ATXN7L1: variants seen among roughly 807,000 people sequenced by gnomAD.
ATXN7L1 encodes ataxin-7-like protein 1.
ATXN7L1 carries 15 observed loss-of-function variants against 70.8 expected under a neutral mutation model. The ratio of observed to expected loss-of-function variants is 0.21; its 90% CI spans 0.14 to 0.33. The LOEUF (loss-of-function observed/expected upper bound fraction) is 0.33, where lower values mean the gene tolerates loss of function less well. Ranked by LOEUF, ATXN7L1 falls within the 10% of genes least tolerant of loss-of-function variation. ATXN7L1 has a pLI of 1.00. For synonymous variants in ATXN7L1, 440 were observed against 445.1 expected (o/e 0.99, Z 0.14); for missense variants, 975 against 1,097.1 (o/e 0.89, Z 1.57).
intron 3 of ATXN7L1, among the ~76,000 whole-genome samples, chr7:105,667,582 C>T (rs1157605717): frequency 7.5e-6 from 1 of 133,372 alleles, no homozygotes; most frequent in African/African-American, 2.6e-5. Flanking sequence ...GCCTGTAGTC[C>T]CAGCTACTTG....
intron 7 of ATXN7L1, among the ~76,000 whole-genome samples, chr7:105,627,841 GTT>G (rs36028028): frequency 1.2e-5 from 1 of 86,444 alleles, no homozygotes; most frequent in Non-Finnish European, 2.0e-5. Flanking sequence ...CCTGTCTTTA[GTT>G]TTTTTTTTTT....
intron 2 of ATXN7L1, among the ~76,000 whole-genome samples, chr7:105,808,639 T>A (rs1474850349): frequency 6.6e-6 from 1 of 152,164 alleles, no homozygotes; most frequent in Admixed American, 6.5e-5. Context: ...AACAAAAAAC[T>A]GCTAGGATGT....
intron 10 of ATXN7L1, 54 bp downstream of exon 10, chr7:105,613,808 C>T (rs1188213397): frequency 1.2e-5 from 18 of 1,551,370 alleles, no homozygotes; most frequent in South Asian, 2.4e-5. Flanking sequence ...GGGGCGCTGC[C>T]CAGCTCCCCC....
At chr7:105,872,610 A>C (rs1207898993) in intron 2 of ATXN7L1, among the ~76,000 whole-genome samples, 2 of 152,186 alleles carry the variant, frequency 1.3e-5, no homozygotes, top group African/African-American at 4.8e-5. Flanking sequence ...AGGTATCAGA[A>C]TAGGCAACTT....
intron 2 of ATXN7L1, among the ~76,000 whole-genome samples, chr7:105,865,569 T>C (rs1817297884): frequency 6.6e-6 from 1 of 152,024 alleles, no homozygotes; most frequent in South Asian, 2.1e-4. Flanking sequence ...ACCCAGCTAA[T>C]TTTTTGTATT....
chr7:105,812,691 G>C (rs1275179651), intron 2 of ATXN7L1, among the ~76,000 whole-genome samples: 2 of 152,190 alleles, frequency 1.3e-5, no homozygotes, highest in African/African-American at 2.4e-5. Flanking sequence ...CTAGGTGTCA[G>C]GAATTCATCA....
rs113333669 is a variant in ATXN7L1 at position 105,660,258 on chromosome 7, C to T, written c.578+4808G>A. Among the ~76,000 whole-genome samples, 1,267 of 152,222 alleles carry T rather than the reference C, an allele frequency of 8.3e-3. 18 individuals are homozygous for T. Among genetic ancestry groups the T allele is most frequent in the African/African-American group, 0.029 (1,215 of 41,524 alleles). On this transcript the variant is annotated intron_variant, in intron 4 of 11. Coordinates refer to ENST00000419735, the MANE Select transcript of ATXN7L1 (RefSeq NM_020725.2). ...CGTGGCTGTCAAGGTGACCAGACTA[C>T]ATGAGAAAACTGCTCCTTTAACACC...
intron 3 of ATXN7L1, chr7:105,761,242 C>T (rs1448255491): frequency 9.3e-6 from 14 of 1,505,452 alleles, no homozygotes; most frequent in South Asian, 4.1e-5. Context: ...AGTGTGCTCA[C>T]GAATTTGCAG....
At chr7:105,855,462 C>G (rs1461678579) in intron 2 of ATXN7L1, among the ~76,000 whole-genome samples, 1 of 152,202 alleles carries the variant, frequency 6.6e-6, no homozygotes, top group African/African-American at 2.4e-5. Flanking sequence ...TAACAGTGTG[C>G]TGATGCATAT....
chr7:105,636,394 C>CAA lies in ATXN7L1; in HGVS notation c.1202+1957_1202+1958dup, dbSNP rs1217878273. On this transcript the variant is annotated intron_variant, in intron 7 of 11. Transcript: ENST00000419735. ...TGGGCCACGGAATGAAACTCTGTCT[C>CAA]AAAAAAAAAAAAAAAAAAGATTCTG... 5.2e-4 allele frequency among the ~76,000 whole-genome samples: 45 copies of CAA among 86,558 alleles called. 1 individual carries two copies. Among genetic ancestry groups the CAA allele is most frequent in the South Asian group, 1.1e-3 (3 of 2,678 alleles). 56.8% of individuals were successfully genotyped at this position (86,558 alleles called of 152,430 possible).
chr7:105,725,885 T>C (rs1325013949), intron 3 of ATXN7L1, among the ~76,000 whole-genome samples: 1 of 149,088 alleles, frequency 6.7e-6, no homozygotes, highest in Non-Finnish European at 1.5e-5. Flanking sequence ...ATGGCCTCCA[T>C]TTCTTTTTTC....
At chr7:105,791,818 G>C (rs903683408) in intron 2 of ATXN7L1, among the ~76,000 whole-genome samples, 2 of 152,124 alleles carry the variant, frequency 1.3e-5, no homozygotes, top group African/African-American at 4.8e-5. Context: ...CATCCTTTCT[G>C]CAACAGGTCA....
rs545831848 is a variant in ATXN7L1 at position 105,795,979 on chromosome 7, A to T, written c.251-7271T>A. 7.2e-5 allele frequency among the ~76,000 whole-genome samples: 11 copies of T among 152,300 alleles called. No homozygotes were observed. In the South Asian group the frequency reaches 1.5e-3, roughly 20 times the overall value. On this transcript the variant is annotated intron_variant, in intron 2 of 11. Transcript: ENST00000419735. ...TGCTTTTCATTTTAACTTACTCTAA[A>T]AGGTACTGTAATGAAAAAAATTGGG...
intron 2 of ATXN7L1, among the ~76,000 whole-genome samples, chr7:105,810,725 G>A (rs192076303): frequency 4.8e-4 from 73 of 152,360 alleles, no homozygotes; most frequent in Non-Finnish European, 9.6e-4. Flanking sequence ...CACTGAAGCC[G>A]GGGATGGCAT....
At position 105,643,110 on chromosome 7, in the gene ATXN7L1, G is replaced by T; in HGVS notation, c.590C>A (p.Pro197His). ...AGGAATTTTCTCTAAACTGACTACA[G>T]GAACTGGAACACTGAAAAATAAATG... ...GSRDKPCVPVPVVSLEKIPNL... is the reference protein window; with the variant it reads ...GSRDKPCVPVHVVSLEKIPNL... Residue 197 changes from proline to histidine, a missense_variant, in exon 5 of 12, where the codon CCT (proline) becomes CAT (histidine). Coordinates refer to ENST00000419735, the MANE Select transcript of ATXN7L1 (RefSeq NM_020725.2). The T allele has an allele frequency of 6.6e-7, 1 of 1,516,282 alleles. No homozygotes were observed. The highest frequency in any genetic ancestry group is 8.9e-7 in the Non-Finnish European group (1 of 1,127,888). 93.9% of individuals were successfully genotyped at this position (1,516,282 alleles called of 1,614,324 possible).
rs533528591 is a variant in ATXN7L1 at position 105,720,961 on chromosome 7, G to A, written c.356-55673C>T. ...GCCTCTCCATTCTCTTCAGACCTCG[G>A]GCTGTAGGAAGTTTCCCTCAGCACC... On this transcript the variant is annotated intron_variant, in intron 3 of 11. Transcript: ENST00000419735. Among the ~76,000 whole-genome samples, 15 of 152,182 alleles carry A rather than the reference G, an allele frequency of 9.9e-5. No individual in the cohort carries two copies. In the East Asian group the frequency reaches 2.9e-3, roughly 29 times the overall value.
At chr7:105,671,729 C>T (rs71562670) in intron 3 of ATXN7L1, among the ~76,000 whole-genome samples, 1 of 151,152 alleles carries the variant, frequency 6.6e-6, no homozygotes, top group African/African-American at 2.4e-5. Flanking sequence ...AACCCTGCTT[C>T]TACAAAAAAT....
At chr7:105,872,027 CT>C (rs922838806) in intron 2 of ATXN7L1, among the ~76,000 whole-genome samples, 6 of 150,920 alleles carry the variant, frequency 4.0e-5, no homozygotes, top group African/African-American at 1.2e-4. Flanking sequence ...GAGTCTCGCT[CT>C]TTCGCCCAGG....
chr7:105,792,582 T>C (rs952318646), intron 2 of ATXN7L1, among the ~76,000 whole-genome samples: 3 of 152,210 alleles, frequency 2.0e-5, no homozygotes, highest in Non-Finnish European at 4.4e-5. Flanking sequence ...CTCTCTCTAA[T>C]TTACCCCCAA....
Sources: allele counts gnomAD v4.1 joint callset (sites outside exome capture counted in the v4.1 genomes callset), GRCh38; gene constraint gnomAD v4.1.1; transcripts MANE v1.5; gene names NCBI Gene and HGNC (gene_info 2026-07-23, HGNC 2026-07-21).